EPM2A: variants seen among roughly 807,000 people sequenced by gnomAD.
The protein encoded by EPM2A is laforin.
EPM2A carries 21 observed loss-of-function variants against 26.5 expected under a neutral mutation model. The observed-to-expected ratio is 0.79, with a 90% CI of 0.56 to 1.14. The LOEUF (loss-of-function observed/expected upper bound fraction) is 1.14, where lower values mean the gene tolerates loss of function less well. EPM2A is among the 50% of genes most tolerant of loss of function. The pLI is 0.00. For synonymous variants in EPM2A, 217 were observed against 177.6 expected (o/e 1.22, Z -1.76); for missense variants, 458 against 440.8 (o/e 1.04, Z -0.35).
chr6:145,552,988 G>C (rs538757718), intron 2 of EPM2A, among the ~76,000 whole-genome samples: 1 of 152,196 alleles, frequency 6.6e-6, no homozygotes, highest in Non-Finnish European at 1.5e-5. Context: ...GTTTGGCTCT[G>C]TGTCCCCACC....
intron 2 of EPM2A, among the ~76,000 whole-genome samples, chr6:145,679,814 A>G (rs966487806): frequency 1.3e-5 from 2 of 152,176 alleles, no homozygotes; most frequent in African/African-American, 2.4e-5. Context: ...CAACCTTGAG[A>G]GCTGTAAGTT....
At chr6:145,581,467 T>C (rs982957950) in intron 2 of EPM2A, among the ~76,000 whole-genome samples, 2 of 152,216 alleles carry the variant, frequency 1.3e-5, no homozygotes, top group Non-Finnish European at 2.9e-5. Flanking sequence ...CGGTTGATAG[T>C]TTATTTTGCT....
intron 4 of EPM2A, among the ~76,000 whole-genome samples, chr6:145,405,157 CAA>C (rs1428394843): frequency 1.3e-5 from 2 of 152,122 alleles, no homozygotes; most frequent in African/African-American, 4.8e-5. Flanking sequence ...TAAGCTTACA[CAA>C]AAGTACCACC....
At chr6:145,460,846 C>G (rs529258119) in intron 4 of EPM2A, among the ~76,000 whole-genome samples, 2 of 152,092 alleles carry the variant, frequency 1.3e-5, no homozygotes, top group South Asian at 2.1e-4. Flanking sequence ...AGTTTTATAG[C>G]TTTAATTTTC....
chr6:145,426,155 G>T (rs1336074257), intron 4 of EPM2A, among the ~76,000 whole-genome samples: 1 of 152,186 alleles, frequency 6.6e-6, no homozygotes, highest in Non-Finnish European at 1.5e-5. Context: ...TTCACTCTCA[G>T]AAAAGAACCA....
intron 4 of EPM2A, among the ~76,000 whole-genome samples, chr6:145,423,491 GT>G (rs1408795219): frequency 6.6e-6 from 1 of 152,152 alleles, no homozygotes. Context: ...GGGGAAGCCT[GT>G]TCCCCCTGGC....
intron 4 of EPM2A, among the ~76,000 whole-genome samples, chr6:145,418,909 C>G (rs569053926): frequency 6.6e-6 from 1 of 152,072 alleles, no homozygotes; most frequent in Non-Finnish European, 1.5e-5. Flanking sequence ...TTTTAAATTA[C>G]GTTTACCAAA....
At chr6:145,488,627 T>A (rs1189412028) in intron 4 of EPM2A, among the ~76,000 whole-genome samples, 2 of 152,024 alleles carry the variant, frequency 1.3e-5, no homozygotes, top group African/African-American at 4.8e-5. Flanking sequence ...CACTCTTATT[T>A]ATATGGCTTT....
chr6:145,517,239 G>T (rs573139571), intron 2 of EPM2A, among the ~76,000 whole-genome samples: 49 of 152,238 alleles, frequency 3.2e-4, no homozygotes, highest in South Asian at 2.3e-3. Context: ...TTTTATTTTT[G>T]CAAGATGATT....
chr6:145,399,537 C>A (rs375884063), intron 4 of EPM2A, among the ~76,000 whole-genome samples: 73 of 152,050 alleles, frequency 4.8e-4, no homozygotes, highest in African/African-American at 1.6e-3. Context: ...TTTATGCGAA[C>A]AGAAAAAAAA....
intron 2 of EPM2A, among the ~76,000 whole-genome samples, chr6:145,595,269 G>C (rs1437983297): frequency 1.3e-5 from 2 of 151,386 alleles, no homozygotes; most frequent in Non-Finnish European, 3.0e-5. Flanking sequence ...GAACCATCTT[G>C]CTTTAAATAT....
At chr6:145,723,003 C>T (rs369108607) in intron 1 of EPM2A, among the ~76,000 whole-genome samples, 5 of 152,240 alleles carry the variant, frequency 3.3e-5, no homozygotes, top group South Asian at 2.1e-4. Flanking sequence ...ACCCAGTGTG[C>T]GGTACTTGAT....
At chr6:145,417,319 AT>A (rs895746296) in intron 4 of EPM2A, among the ~76,000 whole-genome samples, 3 of 152,172 alleles carry the variant, frequency 2.0e-5, no homozygotes, top group Non-Finnish European at 4.4e-5. Flanking sequence ...ACACTTTTGC[AT>A]TTTGTGCCGC....
chr6:145,731,742 T>A (rs1423465217), intron 1 of EPM2A, among the ~76,000 whole-genome samples: 3 of 152,048 alleles, frequency 2.0e-5, no homozygotes, highest in Non-Finnish European at 2.9e-5. Context: ...TATATGTCAT[T>A]TTTTAGAAGA....
chr6:145,530,927 T>C (rs1395670473), intron 2 of EPM2A, among the ~76,000 whole-genome samples: 1 of 152,162 alleles, frequency 6.6e-6, no homozygotes, highest in Non-Finnish European at 1.5e-5. Flanking sequence ...CTTACAAGCT[T>C]GCTCTTGTAG....
In EPM2A at chr6:145,388,555, T is replaced by G. The variant is rs184221997; in HGVS notation, c.556-4458A>C. On this transcript the variant is annotated intron_variant, in intron 4 of 4. Coordinates refer to the EPM2A transcript ENST00000638717. ...TATACTTTAAGTTCTGGGATACATG[T>G]GCAGAACGTGCATGTTTGTTACACA... 1.8e-4 allele frequency among the ~76,000 whole-genome samples: 27 copies of G among 152,322 alleles called. 1 individual carries two copies. The highest frequency in any genetic ancestry group is 1.6e-3 in the Admixed American group (25 of 15,298).
chr6:145,716,435 G>C (rs889435224), intron 1 of EPM2A, among the ~76,000 whole-genome samples: 4 of 152,150 alleles, frequency 2.6e-5, no homozygotes, highest in African/African-American at 9.7e-5. Flanking sequence ...GTGTGGCCTA[G>C]AAAATTTACT....
At chr6:145,483,726 A>T (rs1779637410) in intron 4 of EPM2A, among the ~76,000 whole-genome samples, 1 of 152,162 alleles carries the variant, frequency 6.6e-6, no homozygotes, top group Non-Finnish European at 1.5e-5. Context: ...TCCACACAAC[A>T]GTCTTGAAAA....
chr6:145,577,578 A>ACCC (rs34386537), intron 2 of EPM2A, among the ~76,000 whole-genome samples: 2 of 148,286 alleles, frequency 1.3e-5, no homozygotes, highest in African/African-American at 5.0e-5. Flanking sequence ...AGAAATGTAG[A>ACCC]CCCCCCCCCA....
Sources: allele counts gnomAD v4.1 joint callset (sites outside exome capture counted in the v4.1 genomes callset), GRCh38; gene constraint gnomAD v4.1.1; transcripts MANE v1.5; gene names NCBI Gene and HGNC (gene_info 2026-07-23, HGNC 2026-07-21).